Variants in RIC1 observed in about 807,000 individuals in gnomAD.
RIC1 encodes the protein RIC1 partner of RAB6A GEF complex.
Under a neutral mutation model 169.0 loss-of-function variants are expected in RIC1, and 88 were observed. The ratio of observed to expected loss-of-function variants is 0.52; its 90% CI spans 0.44 to 0.62. RIC1 has a LOEUF of 0.62. Ranked by LOEUF, RIC1 falls within the 20% of genes least tolerant of loss-of-function variation. RIC1 has a pLI of 0.00. For synonymous variants in RIC1, 790 were observed against 601.5 expected (o/e 1.31, Z -4.59); for missense variants, 1,877 against 1,725.5 (o/e 1.09, Z -1.56).
intron 2 of RIC1, among the ~76,000 whole-genome samples, chr9:5,674,547 G>T (rs774115649): frequency 6.6e-6 from 1 of 152,122 alleles, no homozygotes; most frequent in Non-Finnish European, 1.5e-5. Flanking sequence ...TAAGCTGAAA[G>T]CCCAGTCATG....
chr9:5,707,358 G>A (rs543883438), intron 3 of RIC1, among the ~76,000 whole-genome samples: 7 of 152,000 alleles, frequency 4.6e-5, no homozygotes, highest in Non-Finnish European at 1.0e-4. Flanking sequence ...TTCTGCTGTT[G>A]GGTGGCATAT....
intron 21 of RIC1, 98 bp from the exon 22 acceptor site, chr9:5,768,872 T>G (rs947100928): frequency 7.7e-7 from 1 of 1,304,328 alleles, no homozygotes; most frequent in African/African-American, 1.5e-5. Context: ...CTTGGATCTC[T>G]TATCTCCTTG....
chr9:5,720,565 A>T (rs780337192), intron 5 of RIC1, 49 bp from the exon 6 acceptor site: 1 of 1,513,520 alleles, frequency 6.6e-7, no homozygotes, highest in African/African-American at 1.4e-5. Context: ...GTGAGAGAGT[A>T]ATTTATTATA....
At chr9:5,734,208 G>C (rs1824554587) in intron 7 of RIC1, among the ~76,000 whole-genome samples, 3 of 151,820 alleles carry the variant, frequency 2.0e-5, no homozygotes. Flanking sequence ...CTGGGTTCAA[G>C]TGATTCTCCT....
At position 5,756,340 on chromosome 9, in the gene RIC1, A is replaced by G; in HGVS notation, c.1821A>G (p.Ile607Met). 1 of 1,556,166 alleles carries G rather than the reference A, an allele frequency of 6.4e-7. No individual in the cohort carries two copies. The highest frequency in any genetic ancestry group is 1.2e-5 in the South Asian group (1 of 81,706). ...MVIVFRADCS[I>M]CLYSIERKSD... is the part of the protein sequence containing the mutation. ...TAGTATTTAGAGCAGACTGTTCAAT[A>G]TGCCTTTACAGTATTGAAAGAAAAT... The change falls in exon 16 of 26, where the codon ATA (isoleucine) becomes ATG (methionine). Residue 607 changes from isoleucine to methionine, a missense_variant. This residue lies in a region of RIC1 where 1,104 missense variants were observed against 992.0 expected (regional missense o/e 1.11). Transcript: ENST00000414202.
At chr9:5,773,137 C>A in intron 25 of RIC1, 57 bp downstream of exon 25, 1 of 1,090,208 alleles carries the variant, frequency 9.2e-7, no homozygotes, top group Non-Finnish European at 1.3e-6. Context: ...TGAATCCTGT[C>A]CTTTCACATT....
intron 1 of RIC1, among the ~76,000 whole-genome samples, chr9:5,651,765 G>C (rs1332869960): frequency 6.6e-6 from 1 of 151,610 alleles, no homozygotes; most frequent in African/African-American, 2.4e-5. Flanking sequence ...ATGGGGTTTT[G>C]CCATGTTGGC....
chr9:5,731,897 A>C (rs912292631), intron 6 of RIC1, among the ~76,000 whole-genome samples: 1 of 152,200 alleles, frequency 6.6e-6, no homozygotes, highest in Non-Finnish European at 1.5e-5. Flanking sequence ...GCTATTAACC[A>C]TTACACTATA....
chr9:5,642,075 T>A (rs1818279081), intron 1 of RIC1, among the ~76,000 whole-genome samples: 1 of 144,664 alleles, frequency 6.9e-6, no homozygotes, highest in Admixed American at 6.7e-5. Flanking sequence ...TTTTGAGAAG[T>A]CTTTCCAGTT....
At chr9:5,708,497 T>TAAA (rs1822738238) in intron 3 of RIC1, among the ~76,000 whole-genome samples, 1 of 152,166 alleles carries the variant, frequency 6.6e-6, no homozygotes, top group Non-Finnish European at 1.5e-5. Flanking sequence ...TTTGTTTATC[T>TAAA]GGAAATTCAT....
chr9:5,671,961 A>G (rs1820134030), intron 2 of RIC1, among the ~76,000 whole-genome samples: 1 of 152,168 alleles, frequency 6.6e-6, no homozygotes, highest in Non-Finnish European at 1.5e-5. Flanking sequence ...TGCTCCTGGA[A>G]GTGGACATTA....
chr9:5,686,851 G>A (rs758055645), intron 2 of RIC1, among the ~76,000 whole-genome samples: 1 of 152,132 alleles, frequency 6.6e-6, no homozygotes, highest in Non-Finnish European at 1.5e-5. Flanking sequence ...TTTGTTATGA[G>A]GCCTCATAAA....
At chr9:5,772,448 G>T in intron 23 of RIC1, 116 bp from the exon 24 acceptor site, 2 of 785,900 alleles carry the variant, frequency 2.5e-6, no homozygotes, top group South Asian at 2.2e-5. Flanking sequence ...TGGATTTCAT[G>T]TTTTAGTTTC....
chr9:5,630,610 T>C (rs141673666), intron 1 of RIC1, among the ~76,000 whole-genome samples: 72 of 152,338 alleles, frequency 4.7e-4, no homozygotes, highest in African/African-American at 1.7e-3. Context: ...ATAGTTGGGC[T>C]GTAAATCAGA....
intron 6 of RIC1, among the ~76,000 whole-genome samples, chr9:5,728,637 C>T (rs1183157948): frequency 6.6e-6 from 1 of 152,198 alleles, no homozygotes; most frequent in Admixed American, 6.5e-5. Context: ...GGGAGCTGTA[C>T]ACTGGAGCTG....
At chr9:5,647,960 TGGTGGTGGTG>T (rs1818606994) in intron 1 of RIC1, among the ~76,000 whole-genome samples, 2 of 126,636 alleles carry the variant, frequency 1.6e-5, no homozygotes, top group African/African-American at 6.8e-5. Flanking sequence ...GTGGTGGTGG[TGGTGGTGGTG>T]GTGATGGTGG....
rs1487590007 is a variant in RIC1, at chr9:5,738,525, A to G, written c.888A>G (p.Ala296=). Residue 296 remains alanine, a synonymous_variant, in exon 8 of 26, where the codon GCA becomes GCG. Coordinates refer to ENST00000414202, the MANE Select transcript of RIC1 (RefSeq NM_020829.4). ...MLLSHKLELT[A]KQYPDIWNKT... ...TATCTCATAAATTAGAGCTAACAGC[A>G]AAACAGTATCCTGGTGAGTCTTTTT... 1 of 1,581,404 alleles carries G rather than the reference A, an allele frequency of 6.3e-7. No individual in the cohort carries two copies. Among genetic ancestry groups the G allele is most frequent in the Non-Finnish European group, 8.6e-7 (1 of 1,161,170 alleles).
At chr9:5,714,264 A>G (rs1329077580) in intron 4 of RIC1, among the ~76,000 whole-genome samples, 5 of 152,162 alleles carry the variant, frequency 3.3e-5, no homozygotes. Flanking sequence ...GAATTGTTTG[A>G]TTGAGTGATA....
In RIC1 at chr9:5,768,959, T is replaced by A. The variant is rs1483462478; in HGVS notation, c.3138-11T>A. On this transcript the variant is annotated splice_polypyrimidine_tract_variant and intron_variant, in intron 21 of 25. Transcript: ENST00000414202. ...GATTATTCTGTAGCTTTCTTGTGTT[T>A]CCACTTACAGATGGAGCAAAGACAG... 1.2e-5 allele frequency: 19 copies of A among 1,592,816 alleles called. No homozygotes were observed. Among genetic ancestry groups the A allele is most frequent in the Non-Finnish European group, 1.6e-5 (19 of 1,171,134 alleles).
Sources: gnomAD v4.1 joint callset for allele counts (sites outside exome capture counted in the v4.1 genomes callset) on GRCh38, gnomAD v4.1.1 for gene constraint, gnomAD v4.1.1 regional missense constraint, MANE v1.5 for transcripts, NCBI Gene and HGNC (gene_info 2026-07-23, HGNC 2026-07-21) for gene names.